MAP3K21: variants seen among roughly 807,000 people sequenced by gnomAD.
The protein encoded by MAP3K21 is mitogen-activated protein kinase kinase kinase 21, also known as mitogen-activated protein kinase kinase kinase MLK4.
Under a neutral mutation model 86.1 loss-of-function variants are expected in MAP3K21, and 63 were observed. The observed-to-expected ratio is 0.73, with a 90% CI of 0.60 to 0.90. The LOEUF (loss-of-function observed/expected upper bound fraction) is 0.90, where lower values mean the gene tolerates loss of function less well. MAP3K21 is among the 40% of genes least tolerant of loss of function. MAP3K21 has a pLI of 0.00. For missense variants in MAP3K21, 1,220 were observed against 1,367.7 expected (o/e 0.89, Z 1.70); for synonymous variants, 558 against 564.8 (o/e 0.99, Z 0.17).
At chr1:233,369,395 A>C (rs1663643114) in intron 5 of MAP3K21, among the ~76,000 whole-genome samples, 1 of 152,112 alleles carries the variant, frequency 6.6e-6, no homozygotes, top group Non-Finnish European at 1.5e-5. Context: ...ATCTCCAAAA[A>C]AAGAAGTAAC....
In MAP3K21 at chr1:233,339,195, T is replaced by TTTCTTCTTCTTCTTCTTC. The variant is rs71173272; in HGVS notation, c.806-7192_806-7175dup. On this transcript the variant is annotated intron_variant, in intron 1 of 9. Transcript: ENST00000366624. The stretch of plus-strand genomic sequence containing the variant: ...GCTACAATTATTTTTAAAACAATCA[T>TTTCTTCTTCTTCTTCTTC]TTCTTCTTCTTCTTCTTCTTCTTCT... 5.7e-4 allele frequency among the ~76,000 whole-genome samples: 66 copies of TTTCTTCTTCTTCTTCTTC among 115,368 alleles called. 2 individuals carry two copies. The highest frequency in any genetic ancestry group is 7.3e-4 in the Non-Finnish European group (39 of 53,348). 75.7% of individuals were successfully genotyped at this position (115,368 alleles called of 152,430 possible).
rs1396169522 is a variant in MAP3K21, at chr1:233,379,118, G to A, written c.2112G>A (p.Met704Ile). 6.2e-7 allele frequency: 1 copy of A among 1,614,006 alleles called. No homozygotes were observed. Among genetic ancestry groups the A allele is most frequent in the Non-Finnish European group, 8.5e-7 (1 of 1,179,962 alleles). Residue 704 changes from methionine to isoleucine, a missense_variant, in exon 9 of 10, where the codon ATG becomes ATA. Around this residue, in one of 5 missense-constraint regions of MAP3K21, gnomAD observed 632 missense variants for 691.3 expected, o/e 0.91. Transcript: ENST00000366624. The part of the protein sequence containing the change: ...SANAATVSIE[M>I]TPTNSLSRSP... ...ATGCTGCCACAGTCTCCATTGAGAT[G>A]ACTCCTACGAATAGTCTGAGTAGAT...
intron 5 of MAP3K21, among the ~76,000 whole-genome samples, chr1:233,369,521 G>A (rs577718695): frequency 6.6e-6 from 1 of 152,138 alleles, no homozygotes; most frequent in Non-Finnish European, 1.5e-5. Flanking sequence ...AAAAAGTTCA[G>A]TGTGGTTTGA....
At chr1:233,352,928 T>G (rs1179925198) in intron 2 of MAP3K21, among the ~76,000 whole-genome samples, 2 of 152,240 alleles carry the variant, frequency 1.3e-5, no homozygotes, top group African/African-American at 4.8e-5. Context: ...ATATATACAA[T>G]GCAGAAGACT....
At chr1:233,336,684 A>G (rs970842445) in intron 1 of MAP3K21, among the ~76,000 whole-genome samples, 6 of 152,228 alleles carry the variant, frequency 3.9e-5, no homozygotes, top group South Asian at 2.1e-4. Flanking sequence ...GATTTAACCC[A>G]TATGCATTCA....
In MAP3K21 at chr1:233,328,834, G is replaced by A; in HGVS notation, c.805+1G>A. On this transcript the variant is annotated splice_donor_variant, in intron 1 of 9. Coordinates refer to ENST00000366624, the MANE Select transcript of MAP3K21 (RefSeq NM_032435.3). LOFTEE classifies it high-confidence loss of function. This position sits in a 1 kb window ranked among gnomAD's most constrained non-coding sequence, Gnocchi z 8.7. The stretch of plus-strand genomic sequence containing the variant: ...CACCGGGACCTCAAGTCCAGCAACA[G>A]TAAGTGGGGCCAGAGGGAGGTGGGG... 6.6e-7 allele frequency: 1 copy of A among 1,514,042 alleles called. No homozygotes were observed. Among genetic ancestry groups the A allele is most frequent in the South Asian group, 1.2e-5 (1 of 80,920 alleles). 93.8% of individuals were successfully genotyped at this position (1,514,042 alleles called of 1,614,324 possible).
At chr1:233,331,094 G>A (rs374612296) in intron 1 of MAP3K21, among the ~76,000 whole-genome samples, 74 of 152,326 alleles carry the variant, frequency 4.9e-4, no homozygotes, top group African/African-American at 1.6e-3. Flanking sequence ...GTATAGTGGA[G>A]TATAGACTAC....
intron 4 of MAP3K21, among the ~76,000 whole-genome samples, chr1:233,358,478 T>G (rs912088692): frequency 6.6e-6 from 1 of 151,320 alleles, no homozygotes; most frequent in African/African-American, 2.4e-5. Flanking sequence ...AATTTGTTTT[T>G]TTTTTTTTTA....
intron 1 of MAP3K21, among the ~76,000 whole-genome samples, chr1:233,343,331 G>T (rs1381580053): frequency 1.3e-5 from 2 of 152,146 alleles, no homozygotes; most frequent in African/African-American, 2.4e-5. Flanking sequence ...CCATGTCTCA[G>T]CCACTGTTCT....
Position 233,328,713 on chromosome 1 carries a change from G to C in MAP3K21, c.685G>C (p.Ala229Pro). The change falls in exon 1 of 10, where the codon GCG becomes CCG. Residue 229 changes from alanine to proline, a missense_variant. Transcript: ENST00000366624. The surrounding 1 kb of genome is among the most constrained non-coding windows in gnomAD (Gnocchi z 8.7). ...PDPRAPGPRR[A>P]RRIPPHVLVN... is the part of the protein sequence containing the mutation. The stretch of plus-strand genomic sequence containing the variant: ...CCCGCGCGCGCCCGGCCCCCGCCGC[G>C]CGCGCCGCATCCCTCCGCACGTGCT... 5 of 1,381,306 alleles carry C rather than the reference G, an allele frequency of 3.6e-6. No homozygotes were observed. Among genetic ancestry groups the C allele is most frequent in the Non-Finnish European group, 4.7e-6 (5 of 1,059,710 alleles). The allele number at this position is 1,381,306 out of a possible 1,614,324, so 85.6% of individuals were successfully genotyped here.
intron 9 of MAP3K21, 44 bp from the exon 10 acceptor site, chr1:233,382,261 T>A (rs1481743738): frequency 6.7e-7 from 1 of 1,501,386 alleles, no homozygotes; most frequent in Non-Finnish European, 9.1e-7. Context: ...GTTTTAGAAC[T>A]CATTTTCTTT....
chr1:233,330,619 C>T (rs1375261658), intron 1 of MAP3K21, among the ~76,000 whole-genome samples: 3 of 152,170 alleles, frequency 2.0e-5, no homozygotes, highest in Non-Finnish European at 4.4e-5. Context: ...TTTCCCCTGC[C>T]TCTTGGCAGT....
intron 1 of MAP3K21, among the ~76,000 whole-genome samples, chr1:233,335,162 C>T (rs573499367): frequency 3.3e-5 from 5 of 152,052 alleles, no homozygotes; most frequent in East Asian, 1.9e-4. Context: ...CCAGGGCTCC[C>T]GAAAAATAGA....
intron 1 of MAP3K21, among the ~76,000 whole-genome samples, chr1:233,344,464 A>AAAATGAG (rs1262457118): frequency 6.6e-6 from 1 of 152,228 alleles, no homozygotes; most frequent in Non-Finnish European, 1.5e-5. Flanking sequence ...AAATCTGACA[A>AAAATGAG]AAATGAGAAA....
At chr1:233,348,834 C>A (rs556963457) in intron 2 of MAP3K21, among the ~76,000 whole-genome samples, 2 of 152,018 alleles carry the variant, frequency 1.3e-5, no homozygotes, top group Non-Finnish European at 2.9e-5. Context: ...AGTGCCGGAA[C>A]CTTTTAAGAA....
At chr1:233,336,908 T>C (rs1294284) in intron 1 of MAP3K21, among the ~76,000 whole-genome samples, 118,443 of 152,202 alleles carry the variant, frequency 0.78, 46,353 homozygotes, top group East Asian at 0.99. Flanking sequence ...AAATGTATGG[T>C]AAGTCATAGC....
At chr1:233,369,044 A>G (rs1663634818) in intron 5 of MAP3K21, among the ~76,000 whole-genome samples, 1 of 152,078 alleles carries the variant, frequency 6.6e-6, no homozygotes, top group Non-Finnish European at 1.5e-5. Flanking sequence ...GGCAGAACTT[A>G]AGCTAATAAT....
chr1:233,351,765 A>G (rs1663256898), intron 2 of MAP3K21, among the ~76,000 whole-genome samples: 1 of 152,158 alleles, frequency 6.6e-6, no homozygotes, highest in South Asian at 2.1e-4. Flanking sequence ...TACATTTCAC[A>G]TTTTAAAAAA....
intron 5 of MAP3K21, among the ~76,000 whole-genome samples, chr1:233,364,030 A>G (rs1168829519): frequency 6.6e-6 from 1 of 152,130 alleles, no homozygotes; most frequent in Non-Finnish European, 1.5e-5. Context: ...AAAAGAGAAA[A>G]AAAGAAAGAA....
Sources: allele counts gnomAD v4.1 joint callset (sites outside exome capture counted in the v4.1 genomes callset), GRCh38; gene constraint gnomAD v4.1.1; regional missense constraint gnomAD v4.1.1; non-coding constraint Gnocchi (gnomAD v3.1); transcripts MANE v1.5; gene names NCBI Gene and HGNC (gene_info 2026-07-23, HGNC 2026-07-21).